The following ADAMTS5 variants were observed in gnomAD, a reference collection of about 807,000 sequenced individuals.
ADAMTS5 encodes A disintegrin and metalloproteinase with thrombospondin motifs 5.
In ADAMTS5, 54 loss-of-function variants were observed where a neutral mutation model predicts 81.4. The observed-to-expected ratio is 0.66, with a 90% CI of 0.53 to 0.83. The LOEUF is 0.83. Ranked by LOEUF, ADAMTS5 falls within the 40% of genes least tolerant of loss-of-function variation. ADAMTS5 has a pLI of 0.00. For synonymous variants in ADAMTS5, 532 were observed against 508.8 expected, an observed-to-expected ratio of 1.05 and a Z score of -0.61; for missense variants, 1,194 against 1,229.9, an observed-to-expected ratio of 0.97 and a Z score of 0.44.
intron 3 of ADAMTS5, 109 bp downstream of exon 3, chr21:26,943,271 A>G: frequency 8.9e-7 from 1 of 1,125,838 alleles, no homozygotes; most frequent in South Asian, 1.7e-5. Flanking sequence ...CTATCCACAC[A>G]ACTATTGTCT....
At position 26,929,876 on chromosome 21, in the gene ADAMTS5, A is replaced by G. The variant is rs1986873318; in HGVS notation, c.2225+10T>C. 1 of 1,612,576 alleles carries G rather than the reference A, an allele frequency of 6.2e-7. No homozygotes were observed. The highest frequency in any genetic ancestry group is 8.5e-7 in the Non-Finnish European group (1 of 1,178,900). On this transcript the variant is annotated intron_variant, in intron 7 of 7. Transcript: ENST00000284987. ...CAATTCACATAAAGACAAAGGTTCT[A>G]TCATATTACCTTTTCTTATTAAAGG...
chr21:26,941,053 G>A (rs1400677068), intron 3 of ADAMTS5, among the ~76,000 whole-genome samples: 2 of 152,018 alleles, frequency 1.3e-5, no homozygotes, highest in African/African-American at 4.8e-5. Flanking sequence ...TTGTCATTGT[G>A]CCACACTGCT....
At chr21:26,958,009 C>G (rs1987461140) in intron 1 of ADAMTS5, among the ~76,000 whole-genome samples, 1 of 152,118 alleles carries the variant, frequency 6.6e-6, no homozygotes, top group African/African-American at 2.4e-5. Context: ...AAGGATGCTG[C>G]CTTGAGAAGC....
At position 26,932,914 on chromosome 21, in the gene ADAMTS5, G is replaced by T. The variant is rs546880315; in HGVS notation, c.1820C>A (p.Thr607Lys). ...PAPRNNGRYC[T>K]GKRAIYRSCS... ...GGAGCGGTAGATGGCCCTCTTCCCT[G>T]TGCAGTAGCGTCCGTTGTTTCTGGG... Residue 607 changes from threonine (T) to lysine (K), a missense_variant, in exon 5 of 8, where the codon ACA (threonine) becomes AAA (lysine). Physicochemically the swap from Thr to Lys is moderately conservative, Grantham distance 78. Coordinates refer to ENST00000284987, the MANE Select transcript of ADAMTS5 (RefSeq NM_007038.5). 6.2e-7 allele frequency: 1 copy of T among 1,614,102 alleles called. No homozygotes were observed. The highest frequency in any genetic ancestry group is 1.1e-5 in the South Asian group (1 of 91,074).
chr21:26,922,815 A>G lies in ADAMTS5; in HGVS notation c.*1238T>C, dbSNP rs1986726087. The G allele has an allele frequency of 6.6e-6, 1 of 152,552 alleles. No individual in the cohort carries two copies. 9.4% of individuals were successfully genotyped at this position (152,552 alleles called of 1,614,324 possible). A position where few individuals can be genotyped will look rare whatever the true frequency, so the allele number is the denominator to read the frequency against. On this transcript the variant is annotated 3_prime_UTR_variant, in exon 8 of 8. Transcript: ENST00000284987. ...AATAGGAATATACTTAGATTTTTTA[A>G]ATTAAGAAATTATTGCCTATGGTGT...
intron 7 of ADAMTS5, among the ~76,000 whole-genome samples, chr21:26,929,335 A>G (rs1986863423): frequency 6.6e-6 from 1 of 152,152 alleles, no homozygotes; most frequent in Non-Finnish European, 1.5e-5. Flanking sequence ...TGAATATTTA[A>G]AGCAAAAATC....
At chr21:26,950,481 C>T (rs1987296925) in intron 2 of ADAMTS5, among the ~76,000 whole-genome samples, 1 of 152,170 alleles carries the variant, frequency 6.6e-6, no homozygotes, top group South Asian at 2.1e-4. Flanking sequence ...TGGATGGGGA[C>T]TGTGTTTTTG....
intron 2 of ADAMTS5, 135 bp downstream of exon 2, chr21:26,954,604 G>A (rs1259376819): frequency 7.4e-7 from 1 of 1,342,586 alleles, no homozygotes; most frequent in African/African-American, 1.5e-5. Context: ...TAAAAGTGCA[G>A]ATATAAACAA....
chr21:26,953,160 C>T (rs566668245), intron 2 of ADAMTS5, among the ~76,000 whole-genome samples: 1 of 152,270 alleles, frequency 6.6e-6, no homozygotes, highest in South Asian at 2.1e-4. Context: ...ACAGCCATGC[C>T]TCCTCATTAG....
At chr21:26,934,868 T>C (rs1986985790) in intron 3 of ADAMTS5, 119 bp from the exon 4 acceptor site, 1 of 1,329,594 alleles carries the variant, frequency 7.5e-7, no homozygotes, top group African/African-American at 1.5e-5. Context: ...CATGAATCTG[T>C]AGTGTAATGC....
At chr21:26,945,836 G>A (rs1007534474) in intron 2 of ADAMTS5, among the ~76,000 whole-genome samples, 33 of 152,264 alleles carry the variant, frequency 2.2e-4, no homozygotes, top group Admixed American at 8.5e-4. Context: ...ATTGCACTGC[G>A]AAAGACTGCC....
chr21:26,965,946 C>G lies in ADAMTS5; in HGVS notation c.446G>C (p.Cys149Ser). 1.2e-6 allele frequency: 2 copies of G among 1,613,704 alleles called. No homozygotes were observed. The highest frequency in any genetic ancestry group is 1.7e-6 in the Non-Finnish European group (2 of 1,179,930). ...SPRSLAVFDL[C>S]GGLDGFFAVK... The stretch of plus-strand genomic sequence containing the variant: ...CGCGAAGAAGCCGTCGAGACCCCCA[C>G]AGAGGTCAAAGACAGCCAGAGAGCG... The change falls in exon 1 of 8, where the codon TGT becomes TCT. Residue 149 changes from cysteine (C) to serine (S), a missense_variant. This residue lies in a region of ADAMTS5 where 498 missense variants were observed against 412.3 expected (regional missense o/e 1.21). Coordinates refer to ENST00000284987, the MANE Select transcript of ADAMTS5 (RefSeq NM_007038.5).
intron 2 of ADAMTS5, among the ~76,000 whole-genome samples, chr21:26,952,299 C>T (rs950594501): frequency 6.6e-6 from 1 of 152,188 alleles, no homozygotes; most frequent in Non-Finnish European, 1.5e-5. Flanking sequence ...CCTTGTATAA[C>T]TATGTCTAAT....
chr21:26,932,213 C>G (rs1270878842), intron 5 of ADAMTS5, 34 bp from the exon 6 acceptor site: 4 of 1,592,170 alleles, frequency 2.5e-6, no homozygotes, highest in Non-Finnish European at 2.6e-6. Context: ...ATTACCTTAT[C>G]AGTTCTGAAA....
chr21:26,954,986 G>T, intron 1 of ADAMTS5, 115 bp from the exon 2 acceptor site: 1 of 1,299,714 alleles, frequency 7.7e-7, no homozygotes, highest in Non-Finnish European at 1.0e-6. Context: ...GGTATCACCT[G>T]TTCCTCTCTG....
rs777598705 is a variant in ADAMTS5, at chr21:26,929,869, AG to A, written c.2225+16del. 32 of 1,608,834 alleles carry A rather than the reference AG, an allele frequency of 2.0e-5. No homozygotes were observed. In the African/African-American group the frequency reaches 4.0e-4, roughly 20 times the overall value. ...CTTTGTTCAATTCACATAAAGACAA[AG>A]GTTCTATCATATTACCTTTTCTTAT... On this transcript the variant is annotated intron_variant, in intron 7 of 7. Transcript: ENST00000284987.
chr21:26,927,211 G>C (rs1480195989), intron 7 of ADAMTS5, among the ~76,000 whole-genome samples: 1 of 152,152 alleles, frequency 6.6e-6, no homozygotes, highest in Non-Finnish European at 1.5e-5. Flanking sequence ...GACAATGTCT[G>C]TCATGAAAAA....
rs562302700 is a variant in ADAMTS5 at position 26,964,255 on chromosome 21, A to T, written c.1104+1033T>A. On this transcript the variant is annotated intron_variant, in intron 1 of 7. Coordinates refer to ENST00000284987, the MANE Select transcript of ADAMTS5 (RefSeq NM_007038.5). ...AATCAGAGTCGAGTTGTGACAACTG[A>T]GGCTTAGAACTATGCGCAAGCCAGG... Among the ~76,000 whole-genome samples the T allele has an allele frequency of 1.1e-4, 17 of 152,330 alleles. No individual in the cohort carries two copies. The South Asian group carries it at 3.5e-3, about 32-fold the overall frequency.
At position 26,943,458 on chromosome 21, in the gene ADAMTS5, G is replaced by C; in HGVS notation, c.1327C>G (p.Leu443Val). 6.2e-7 allele frequency: 1 copy of C among 1,613,736 alleles called. No individual in the cohort carries two copies. The highest frequency in any genetic ancestry group is 2.2e-5 in the East Asian group (1 of 44,864). Residue 443 changes from leucine to valine, a missense_variant, in exon 3 of 8, where the codon CTT (leucine) becomes GTT (valine). By Grantham distance (32) the Leu-to-Val change is conservative. Around this residue, in one of 2 missense-constraint regions of ADAMTS5, gnomAD observed 696 missense variants for 817.6 expected, o/e 0.85. Transcript: ENST00000284987. ...TEDKRLMSSILTSIDASKPWS... is the reference protein window; with the variant it reads ...TEDKRLMSSIVTSIDASKPWS... ...GGCTTAGATGCATCAATGCTGGTAAGGATGGAAGACATTAAGCGCTTATCT... is the reference window on the plus strand; with the variant it reads ...GGCTTAGATGCATCAATGCTGGTAACGATGGAAGACATTAAGCGCTTATCT...
Sources: allele counts gnomAD v4.1 joint callset (sites outside exome capture counted in the v4.1 genomes callset), GRCh38; gene constraint gnomAD v4.1.1; regional missense constraint gnomAD v4.1.1; transcripts MANE v1.5; gene names NCBI Gene and HGNC (gene_info 2026-07-23, HGNC 2026-07-21).